Variants in WDR64 observed in about 807,000 individuals in gnomAD.
WDR64 encodes WD repeat-containing protein 64.
A neutral mutation model predicts 139.3 loss-of-function variants in WDR64; 112 were observed. The ratio of observed to expected loss-of-function variants is 0.80; its 90% confidence interval spans 0.69 to 0.94. WDR64 has a LOEUF of 0.94. Among genes scored for constraint, WDR64 ranks in the 40% least tolerant of loss-of-function variants. The pLI is 0.00. For missense variants in WDR64, 1,206 were observed against 1,293.1 expected, an observed-to-expected ratio of 0.93 and a Z score of 1.03; for synonymous variants, 444 against 437.7, an observed-to-expected ratio of 1.01 and a Z score of -0.18.
chr1:241,698,321 G>T (rs1442577590), intron 8 of WDR64, among the ~76,000 whole-genome samples: 1 of 151,920 alleles, frequency 6.6e-6, no homozygotes, highest in Non-Finnish European at 1.5e-5. Flanking sequence ...TGTCCATATT[G>T]CCTCATAACC....
intron 9 of WDR64, among the ~76,000 whole-genome samples, chr1:241,715,700 A>G (rs1047048615): frequency 3.9e-5 from 6 of 152,180 alleles, no homozygotes; most frequent in Non-Finnish European, 5.9e-5. Context: ...ATGCTGTCAC[A>G]TTAATCTTAA....
chr1:241,728,858 A>C (rs1668962018), intron 10 of WDR64, among the ~76,000 whole-genome samples: 2 of 149,700 alleles, frequency 1.3e-5, no homozygotes, highest in African/African-American at 2.5e-5. Flanking sequence ...AAATTTACAT[A>C]CTTTGATGAT....
At chr1:241,759,087 A>C (rs1670325514) in intron 15 of WDR64, among the ~76,000 whole-genome samples, 1 of 152,118 alleles carries the variant, frequency 6.6e-6, no homozygotes, top group Non-Finnish European at 1.5e-5. Context: ...TATTTATATA[A>C]TGTATTCTTC....
At chr1:241,683,778 A>G (rs1307881143) in intron 7 of WDR64, 77 bp downstream of exon 7, 1 of 1,177,178 alleles carries the variant, frequency 8.5e-7, no homozygotes, top group East Asian at 2.6e-5. Flanking sequence ...GTACAAAGTG[A>G]AAAATGAGAT....
chr1:241,663,307 C>T (rs781303637), intron 2 of WDR64, among the ~76,000 whole-genome samples: 5 of 152,222 alleles, frequency 3.3e-5, no homozygotes, highest in African/African-American at 1.2e-4. Flanking sequence ...CTGGCCCTGA[C>T]CCCCGTCCCT....
At chr1:241,756,722 G>A (rs1670205157) in intron 14 of WDR64, among the ~76,000 whole-genome samples, 1 of 152,128 alleles carries the variant, frequency 6.6e-6, no homozygotes, top group Non-Finnish European at 1.5e-5. Flanking sequence ...TTGAAGATAT[G>A]CATATCTTAT....
chr1:241,666,788 T>G (rs1666039973), intron 2 of WDR64, among the ~76,000 whole-genome samples: 1 of 152,214 alleles, frequency 6.6e-6, no homozygotes, highest in Non-Finnish European at 1.5e-5. Context: ...AATCTAATCA[T>G]GCACTTCCTC....
chr1:241,680,354 C>G lies in WDR64; in HGVS notation c.624+759C>G, dbSNP rs1439314725. The stretch of plus-strand genomic sequence containing the variant: ...TGCTATTTGTTCATAATGTTGTAAC[C>G]AACTAGTGATGCCAGAATAATTTTA... On this transcript the variant is annotated intron_variant, in intron 6 of 27. Transcript: ENST00000437684. 3.3e-5 allele frequency among the ~76,000 whole-genome samples: 5 copies of G among 152,068 alleles called. No individual in the cohort carries two copies. In the East Asian group the frequency reaches 9.6e-4, roughly 29 times the overall value.
At chr1:241,744,627 T>A in intron 13 of WDR64, 111 bp downstream of exon 13, 1 of 1,414,138 alleles carries the variant, frequency 7.1e-7, no homozygotes, top group South Asian at 1.4e-5. Flanking sequence ...GGCTGGACTA[T>A]GTCTGGGTGC....
At chr1:241,758,694 C>A (rs552893680) in intron 15 of WDR64, among the ~76,000 whole-genome samples, 1 of 152,160 alleles carries the variant, frequency 6.6e-6, no homozygotes, top group East Asian at 1.9e-4. Context: ...CTGGTTGGAG[C>A]CTCTTCAGGC....
intron 14 of WDR64, 26 bp downstream of exon 14, chr1:241,749,748 A>G (rs781428682): frequency 3.2e-6 from 5 of 1,570,844 alleles, no homozygotes; most frequent in African/African-American, 1.6e-5. Context: ...TCATACTCGT[A>G]CTGCAGGTGC....
chr1:241,692,908 C>A (rs150329295), intron 8 of WDR64, among the ~76,000 whole-genome samples: 1,533 of 152,234 alleles, frequency 0.01, 22 homozygotes, highest in Non-Finnish European at 0.012. Context: ...AACACTAACA[C>A]CACCAAATGC....
intron 21 of WDR64, among the ~76,000 whole-genome samples, chr1:241,777,068 A>G (rs1469792471): frequency 6.6e-6 from 1 of 152,170 alleles, no homozygotes; most frequent in Admixed American, 6.5e-5. Context: ...AGACACCCTC[A>G]GGCATCATTA....
intron 9 of WDR64, among the ~76,000 whole-genome samples, chr1:241,716,911 C>T (rs1169756729): frequency 1.3e-5 from 2 of 152,270 alleles, no homozygotes; most frequent in African/African-American, 2.4e-5. Context: ...CTAGATATTT[C>T]TCAGGTGGCA....
At chr1:241,785,015 G>A (rs1262237273) in intron 23 of WDR64, among the ~76,000 whole-genome samples, 1 of 134,168 alleles carries the variant, frequency 7.5e-6, no homozygotes, top group East Asian at 2.3e-4. Context: ...GAAAGAGTAA[G>A]AACATTAAAT....
chr1:241,753,683 G>A (rs1455669080), intron 14 of WDR64, among the ~76,000 whole-genome samples: 3 of 152,096 alleles, frequency 2.0e-5, no homozygotes, highest in Non-Finnish European at 2.9e-5. Flanking sequence ...CCGACTGGGC[G>A]ACAGAGCAAG....
At position 241,787,891 on chromosome 1, in the gene WDR64, A is replaced by G. The variant is rs1257190334; in HGVS notation, c.2748A>G (p.Gly916=). ...ALNGHYCGYF[G]QRRLFELSQT... ...ATGGACATTATTGTGGATATTTTGGACAGCGAAGGCTCTTTGAATTATCAC... is the reference window on the plus strand; with the variant it reads ...ATGGACATTATTGTGGATATTTTGGGCAGCGAAGGCTCTTTGAATTATCAC... The change falls in exon 24 of 28, where the codon GGA becomes GGG. Residue 916 remains glycine (G), a synonymous_variant. Transcript: ENST00000437684. 1 of 1,609,350 alleles carries G rather than the reference A, an allele frequency of 6.2e-7. No individual in the cohort carries two copies. The highest frequency in any genetic ancestry group is 8.5e-7 in the Non-Finnish European group (1 of 1,178,548).
intron 2 of WDR64, among the ~76,000 whole-genome samples, chr1:241,669,646 T>C (rs988143370): frequency 2.0e-5 from 3 of 152,166 alleles, no homozygotes; most frequent in African/African-American, 4.8e-5. Context: ...ATTAGGGCAA[T>C]TGTATGTTGG....
chr1:241,738,287 AAAATGCTTCACCT>A, intron 10 of WDR64, 63 bp from the exon 11 acceptor site: 3 of 1,529,666 alleles, frequency 2.0e-6, no homozygotes, highest in Non-Finnish European at 1.8e-6. Flanking sequence ...TTTCAAACTG[AAAATGCTTCACCT>A]AAATATCTTG....
Sources: gnomAD v4.1 joint callset for allele counts (sites outside exome capture counted in the v4.1 genomes callset) on GRCh38, gnomAD v4.1.1 for gene constraint, MANE v1.5 for transcripts, NCBI Gene and HGNC (gene_info 2026-07-23, HGNC 2026-07-21) for gene names.